Variants in LHX8 observed in about 807,000 individuals in gnomAD.
LHX8 encodes the protein LIM/homeobox protein Lhx8.
A neutral mutation model predicts 40.3 loss-of-function variants in LHX8; 12 were observed. The observed-to-expected ratio is 0.30, with a 90% CI of 0.19 to 0.48. LHX8 has a LOEUF of 0.48. LHX8 is among the 20% of genes least tolerant of loss of function. The pLI, the probability that LHX8 is intolerant of heterozygous loss-of-function variation, is 0.99. For missense variants in LHX8, 344 were observed against 433.7 expected, an observed-to-expected ratio of 0.79 and a Z score of 1.84; for synonymous variants, 179 against 162.0, an observed-to-expected ratio of 1.10 and a Z score of -0.80.
At chr1:75,160,558 C>A (rs1395833747) in intron 8 of LHX8, 2 of 464,400 alleles carry the variant, frequency 4.3e-6, no homozygotes, top group East Asian at 7.8e-5. Flanking sequence ...GGGTGAAGTG[C>A]AGTGAATGGG....
the LHX8 span, among the ~76,000 whole-genome samples, chr1:75,187,036 A>G: frequency 6.6e-6 from 1 of 152,178 alleles, no homozygotes; most frequent in Non-Finnish European, 1.5e-5. Context: ...ATTAATCAAT[A>G]GTTAAGATGA....
At chr1:75,189,207 T>C in the LHX8 span, among the ~76,000 whole-genome samples, 1 of 152,190 alleles carries the variant, frequency 6.6e-6, no homozygotes, top group African/African-American at 2.4e-5. Flanking sequence ...AACAGCATTA[T>C]CAAAACATAA....
rs1648073501 is a variant in LHX8 at position 75,134,835 on chromosome 1, T to C, written c.-132T>C. 1.2e-6 allele frequency: 1 copy of C among 829,062 alleles called. No individual in the cohort carries two copies. Among genetic ancestry groups the C allele is most frequent in the Non-Finnish European group, 1.5e-6 (1 of 688,108 alleles). 51.4% of individuals were successfully genotyped at this position (829,062 alleles called of 1,614,324 possible). Reference sequence around the variant, plus strand: ...CAGACCTGGCAATTTTTTTTTTTTATTACGTAGTAGCGTTAGTCAGTAATC... The same window carrying C: ...CAGACCTGGCAATTTTTTTTTTTTACTACGTAGTAGCGTTAGTCAGTAATC... On this transcript the variant is annotated 5_prime_UTR_variant, in exon 1 of 9. Coordinates refer to ENST00000356261, the MANE Select transcript of LHX8 (RefSeq NM_001256114.2).
At position 75,160,822 on chromosome 1, in the gene LHX8, A is replaced by G; in HGVS notation, c.968A>G (p.His323Arg). Reference protein sequence around the residue: ...LTALHSYMDAHSPTTLGLQPL... With the variant: ...LTALHSYMDARSPTTLGLQPL... Reference sequence around the variant, plus strand: ...CAAATTTCTTTCTATTTTGTAGCTCATTCACCAACAACTCTTGGACTCCAG... The same window carrying G: ...CAAATTTCTTTCTATTTTGTAGCTCGTTCACCAACAACTCTTGGACTCCAG... The change falls in exon 9 of 9, where the codon CAT becomes CGT. Residue 323 changes from histidine (H) to arginine (R), a missense_variant. This residue lies in a region of LHX8 where 89 missense variants were observed against 92.8 expected (regional missense o/e 0.96). Transcript: ENST00000356261. 6.2e-7 allele frequency: 1 copy of G among 1,610,794 alleles called. No individual in the cohort carries two copies. Among genetic ancestry groups the G allele is most frequent in the South Asian group, 1.1e-5 (1 of 91,026 alleles).
At chr1:75,172,746 C>T in the LHX8 span, among the ~76,000 whole-genome samples, 1 of 152,108 alleles carries the variant, frequency 6.6e-6, no homozygotes, top group Non-Finnish European at 1.5e-5. Context: ...TTATCCAATC[C>T]CCTTATATTA....
At chr1:75,160,299 A>C (rs539213326) in intron 8 of LHX8, 1 of 153,376 alleles carries the variant, frequency 6.5e-6, no homozygotes, top group South Asian at 2.0e-4. Context: ...CTTCATTTTA[A>C]GTTTTGGTTA....
intron 2 of LHX8, 103 bp downstream of exon 2, chr1:75,136,792 C>G: frequency 3.3e-6 from 3 of 904,460 alleles, no homozygotes; most frequent in Non-Finnish European, 5.2e-6. Flanking sequence ...CAGCTGGCCC[C>G]TCCTGCAGCA....
the LHX8 span, among the ~76,000 whole-genome samples, chr1:75,186,452 A>C: frequency 2.0e-5 from 3 of 152,212 alleles, no homozygotes; most frequent in Non-Finnish European, 2.9e-5. Flanking sequence ...AGGACTCCCT[A>C]TTCAGTAAAT....
intron 1 of LHX8, 58 bp downstream of exon 1, chr1:75,135,012 T>A (rs977924629): frequency 1.2e-6 from 1 of 832,484 alleles, no homozygotes; most frequent in Non-Finnish European, 1.4e-6. Context: ...GGAGAGTGGG[T>A]CGGGAGGACT....
chr1:75,191,471 A>G, the LHX8 span, among the ~76,000 whole-genome samples: 5 of 152,156 alleles, frequency 3.3e-5, no homozygotes, highest in Non-Finnish European at 4.4e-5. Context: ...GCAATGCTAC[A>G]AAGGAGGCAC....
At chr1:75,181,808 C>T in the LHX8 span, among the ~76,000 whole-genome samples, 2 of 152,286 alleles carry the variant, frequency 1.3e-5, no homozygotes, top group African/African-American at 4.8e-5. Flanking sequence ...CAGACCGGAG[C>T]TGTTCCTGTT....
chr1:75,174,932 T>G, the LHX8 span, among the ~76,000 whole-genome samples: 1 of 152,232 alleles, frequency 6.6e-6, no homozygotes, highest in African/African-American at 2.4e-5. Flanking sequence ...GTGTACACTG[T>G]ACCCAATGTG....
At chr1:75,174,998 T>C in the LHX8 span, among the ~76,000 whole-genome samples, 1 of 152,198 alleles carries the variant, frequency 6.6e-6, no homozygotes, top group African/African-American at 2.4e-5. Flanking sequence ...AATTCTATTA[T>C]ATCATTCTTA....
intron 8 of LHX8, among the ~76,000 whole-genome samples, chr1:75,157,582 C>G (rs533377332): frequency 2.4e-4 from 36 of 152,320 alleles, no homozygotes; most frequent in Non-Finnish European, 3.8e-4. Flanking sequence ...TCAGAAGCCT[C>G]TCTTATGTCT....
intron 7 of LHX8, among the ~76,000 whole-genome samples, chr1:75,150,681 C>CTT (rs35282262): frequency 3.0e-5 from 4 of 135,174 alleles, no homozygotes; most frequent in Non-Finnish European, 3.2e-5. Flanking sequence ...AATTTTATTT[C>CTT]TTTTTTTTTT....
At chr1:75,153,305 C>G (rs567158296) in intron 7 of LHX8, among the ~76,000 whole-genome samples, 2 of 152,266 alleles carry the variant, frequency 1.3e-5, no homozygotes, top group Non-Finnish European at 2.9e-5. Context: ...CGGGGTTTCA[C>G]CATATTGGCC....
the LHX8 span, among the ~76,000 whole-genome samples, chr1:75,174,521 A>G: frequency 6.6e-6 from 1 of 152,154 alleles, no homozygotes; most frequent in Non-Finnish European, 1.5e-5. Context: ...ACACACATGC[A>G]TACACACACA....
chr1:75,130,839 C>T, upstream of LHX8: 2 of 1,122,816 alleles, frequency 1.8e-6, no homozygotes, highest in Non-Finnish European at 2.7e-6. Flanking sequence ...ACACGGTCTC[C>T]TAACCCTGAA....
intron 8 of LHX8, among the ~76,000 whole-genome samples, chr1:75,157,315 A>G (rs1648798186): frequency 6.6e-6 from 1 of 152,220 alleles, no homozygotes; most frequent in Non-Finnish European, 1.5e-5. Flanking sequence ...TAATGACTCA[A>G]TGCTTGATCT....
Sources: allele counts gnomAD v4.1 joint callset (sites outside exome capture counted in the v4.1 genomes callset), GRCh38; gene constraint gnomAD v4.1.1; regional missense constraint gnomAD v4.1.1; transcripts MANE v1.5; gene names NCBI Gene and HGNC (gene_info 2026-07-23, HGNC 2026-07-21).